Variants in PRND observed in about 807,000 individuals in gnomAD.
The protein encoded by PRND is prion like protein doppel, also known as prion-like protein doppel.
For missense variants in PRND, 227 were observed against 223.3 expected (o/e 1.02, Z -0.11); for synonymous variants, 94 against 93.2 (o/e 1.01, Z -0.05).
At position 4,723,595 on chromosome 20, in the gene PRND, G is replaced by A. The variant is rs373589747; in HGVS notation, c.-11-946G>A. On this transcript the variant is annotated intron_variant, in intron 1 of 1. Transcript: ENST00000305817. ...GCCAGTGAATTCCTCAGAATGGATG[G>A]CAGAATGCCCCCAAGACAGTGCCAG... Among the ~76,000 whole-genome samples, 6 of 152,276 alleles carry A rather than the reference G, an allele frequency of 3.9e-5. 1 individual carries two copies. The South Asian group carries it at 6.2e-4, about 16-fold the overall frequency.
chr20:4,722,995 C>G (rs1923148952), intron 1 of PRND, among the ~76,000 whole-genome samples: 1 of 152,172 alleles, frequency 6.6e-6, no homozygotes, highest in Non-Finnish European at 1.5e-5. Context: ...TGACCCGGGA[C>G]CCTCCTGGTG....
Position 4,727,527 on chromosome 20 carries a change from T to C in PRND, c.*2445T>C, listed in dbSNP as rs574797091. 6 of 167,214 alleles carry C rather than the reference T, an allele frequency of 3.6e-5. No homozygotes were observed. Among genetic ancestry groups the C allele is most frequent in the African/African-American group, 1.4e-4 (6 of 41,578 alleles). 10.4% of individuals were successfully genotyped at this position (167,214 alleles called of 1,614,324 possible). On this transcript the variant is annotated 3_prime_UTR_variant, in exon 2 of 2. Coordinates refer to ENST00000305817, the MANE Select transcript of PRND (RefSeq NM_012409.4). ...GCAGTGTGCATAATTTTGCCAACCG[T>C]TGCTTTCGTAGCCCCTGCTAAGTGT...
In PRND at chr20:4,727,928, G is replaced by C. The variant is rs575097196; in HGVS notation, c.*2846G>C. On this transcript the variant is annotated 3_prime_UTR_variant, in exon 2 of 2. Coordinates refer to ENST00000305817, the MANE Select transcript of PRND (RefSeq NM_012409.4). ...ATCCTCCCAAGTAGGTGGGATTACA[G>C]GTGCCCACCACCAAGCCCTGCAAAT... 6.2e-6 allele frequency: 1 copy of C among 160,494 alleles called. No homozygotes were observed. Among genetic ancestry groups the C allele is most frequent in the South Asian group, 2.1e-4 (1 of 4,822 alleles). The allele number at this position is 160,494 out of a possible 1,614,324, so 9.9% of individuals were successfully genotyped here. A position where few individuals can be genotyped will look rare whatever the true frequency, so the allele number is the denominator to read the frequency against.
chr20:4,724,880 A>G lies in PRND; in HGVS notation c.329A>G (p.Asn110Ser). The G allele has an allele frequency of 1.2e-6, 2 of 1,614,212 alleles. No individual in the cohort carries two copies. The highest frequency in any genetic ancestry group is 1.7e-6 in the Non-Finnish European group (2 of 1,180,048). The change falls in exon 2 of 2, where the codon AAT becomes AGT. Residue 110 changes from asparagine to serine, a missense_variant. Coordinates refer to ENST00000305817, the MANE Select transcript of PRND (RefSeq NM_012409.4). The surrounding 1 kb of genome is among the most constrained non-coding windows in gnomAD (Gnocchi z 4.8). Reference protein sequence around the residue: ...TKEAFVTGCINATQAANQGEF... With the variant: ...TKEAFVTGCISATQAANQGEF... ...GAGGCATTTGTCACCGGCTGCATCA[A>G]TGCCACCCAGGCGGCGAACCAGGGG...
chr20:4,728,171 T>G lies in PRND; in HGVS notation c.*3089T>G, dbSNP rs144848773. The stretch of plus-strand genomic sequence containing the variant: ...CCTGAGATGTAGGCTCCACCTTAAC[T>G]GTGCTCAGATACACAAGTGAGGGCT... On this transcript the variant is annotated 3_prime_UTR_variant, in exon 2 of 2. Transcript: ENST00000305817. The G allele has an allele frequency of 9.2e-3, 1,526 of 166,342 alleles. 25 individuals are homozygous for G. Among genetic ancestry groups the G allele is most frequent in the African/African-American group, 0.035 (1,434 of 41,354 alleles). The allele number at this position is 166,342 out of a possible 1,614,324, so 10.3% of individuals were successfully genotyped here. A position where few individuals can be genotyped will look rare whatever the true frequency, so the allele number is the denominator to read the frequency against.
In PRND at chr20:4,722,827, C is replaced by A. The variant is rs6139528; in HGVS notation, c.-12+858C>A. ...TCCCTAATCCACACAGGCAAAGACC[C>A]AGGTGCTAGAATGCCCTGACAGTCG... On this transcript the variant is annotated intron_variant, in intron 1 of 1. Transcript: ENST00000305817. 6.5e-3 allele frequency among the ~76,000 whole-genome samples: 992 copies of A among 152,194 alleles called. 29 individuals are homozygous for A. The East Asian group carries it at 0.089, about 14-fold the overall frequency.
At chr20:4,722,983 C>T (rs1433401330) in intron 1 of PRND, among the ~76,000 whole-genome samples, 1 of 152,216 alleles carries the variant, frequency 6.6e-6, no homozygotes, top group Admixed American at 6.5e-5. Flanking sequence ...CCAGGGCCAC[C>T]TTGACCCGGG....
Position 4,725,224 on chromosome 20 carries a change from T to C in PRND, c.*142T>C. On this transcript the variant is annotated 3_prime_UTR_variant, in exon 2 of 2. Coordinates refer to ENST00000305817, the MANE Select transcript of PRND (RefSeq NM_012409.4). Reference sequence around the variant, plus strand: ...TCGCACTGCAAATGCCGCTCTCACGTATGCGCCCTGGTATGTGCCTGCGTT... The same window carrying C: ...TCGCACTGCAAATGCCGCTCTCACGCATGCGCCCTGGTATGTGCCTGCGTT... 9.9e-7 allele frequency: 1 copy of C among 1,011,880 alleles called. No individual in the cohort carries two copies. The highest frequency in any genetic ancestry group is 1.5e-6 in the Non-Finnish European group (1 of 682,002). 62.7% of individuals were successfully genotyped at this position (1,011,880 alleles called of 1,614,324 possible).
rs1402412358 is a variant in PRND, at chr20:4,724,503, C to T, written c.-11-38C>T. On this transcript the variant is annotated intron_variant, in intron 1 of 1. Transcript: ENST00000305817. This position sits in a 1 kb window ranked among gnomAD's most constrained non-coding sequence, Gnocchi z 4.8. ...GAGGGGGCAGGGGAGCCCAGGCAGG[C>T]CTGGTGGGGAGCTGACCCACCGCCG... 1.9e-6 allele frequency: 3 copies of T among 1,612,192 alleles called. No individual in the cohort carries two copies.
chr20:4,726,775 TG>T lies in PRND; in HGVS notation c.*1694del, dbSNP rs1395571212. 1.2e-5 allele frequency: 2 copies of T among 167,140 alleles called. No individual in the cohort carries two copies. The highest frequency in any genetic ancestry group is 2.4e-5 in the African/African-American group (1 of 41,472). The allele number at this position is 167,140 out of a possible 1,614,324, so 10.4% of individuals were successfully genotyped here. A position where few individuals can be genotyped will look rare whatever the true frequency, so the allele number is the denominator to read the frequency against. On this transcript the variant is annotated 3_prime_UTR_variant, in exon 2 of 2. Transcript: ENST00000305817. The stretch of plus-strand genomic sequence containing the variant: ...TGAGTGCTGATGAGGGCACCTCTTG[TG>T]CTGAGTCCCCTCAGCTATCAGTGTT...
rs1167539590 is a variant in PRND at position 4,723,947 on chromosome 20, T to C, written c.-11-594T>C. Among the ~76,000 whole-genome samples, 129 of 36,896 alleles carry C rather than the reference T, an allele frequency of 3.5e-3. 1 individual carries two copies. In the East Asian group the frequency reaches 0.046, roughly 13 times the overall value. The allele number at this position is 36,896 out of a possible 152,430, so 24.2% of individuals were successfully genotyped here. A position where few individuals can be genotyped will look rare whatever the true frequency, so the allele number is the denominator to read the frequency against. On this transcript the variant is annotated intron_variant, in intron 1 of 1. Coordinates refer to ENST00000305817, the MANE Select transcript of PRND (RefSeq NM_012409.4). Reference sequence around the variant, plus strand: ...ATCCTGTCTCTAAAATATGTGTGTGTGTGTGTGTGTGTGTGTGTGTGTGTG... The same window carrying C: ...ATCCTGTCTCTAAAATATGTGTGTGCGTGTGTGTGTGTGTGTGTGTGTGTG...
chr20:4,722,776 G>C (rs1310032743), intron 1 of PRND, among the ~76,000 whole-genome samples: 2 of 152,184 alleles, frequency 1.3e-5, no homozygotes, highest in African/African-American at 4.8e-5. Flanking sequence ...GCTTAGGCAA[G>C]CTCCGGTATG....
chr20:4,724,630 A>C lies in PRND; in HGVS notation c.79A>C (p.Arg27=). Residue 27 remains arginine, a synonymous_variant, in exon 2 of 2, where the codon AGG becomes CGG. Coordinates refer to ENST00000305817, the MANE Select transcript of PRND (RefSeq NM_012409.4). This position sits in a 1 kb window ranked among gnomAD's most constrained non-coding sequence, Gnocchi z 4.8. ...LFSHLSAVQT[R]GIKHRIKWNR... Reference sequence around the variant, plus strand: ...CAGCCACCTCTCTGCGGTCCAGACGAGGGGCATCAAGCACAGAATCAAGTG... The same window carrying C: ...CAGCCACCTCTCTGCGGTCCAGACGCGGGGCATCAAGCACAGAATCAAGTG... The C allele has an allele frequency of 6.2e-7, 1 of 1,614,136 alleles. No homozygotes were observed. Among genetic ancestry groups the C allele is most frequent in the Non-Finnish European group, 8.5e-7 (1 of 1,180,016 alleles).
chr20:4,724,649 TC>T lies in PRND; in HGVS notation c.99del (p.Lys34SerfsTer66). 6.2e-7 allele frequency: 1 copy of T among 1,614,092 alleles called. No individual in the cohort carries two copies. The highest frequency in any genetic ancestry group is 1.1e-5 in the South Asian group (1 of 91,074). On this transcript the variant is annotated frameshift_variant, in exon 2 of 2. Transcript: ENST00000305817. LOFTEE classifies it low-confidence loss of function (END_TRUNC). The surrounding 1 kb of genome is among the most constrained non-coding windows in gnomAD (Gnocchi z 4.8). ...CAGACGAGGGGCATCAAGCACAGAA[TC>T]AAGTGGAACCGGAAGGCCCTGCCCA... ...AVQTRGIKHR[I>X]KWNRKALPST...
Position 4,725,973 on chromosome 20 carries a change from G to T in PRND, c.*891G>T. 3.2e-5 allele frequency: 5 copies of T among 157,320 alleles called. No homozygotes were observed. 9.7% of individuals were successfully genotyped at this position (157,320 alleles called of 1,614,324 possible). On this transcript the variant is annotated 3_prime_UTR_variant, in exon 2 of 2. Coordinates refer to ENST00000305817, the MANE Select transcript of PRND (RefSeq NM_012409.4). The stretch of plus-strand genomic sequence containing the variant: ...CCTCCCAGGCTCAAGCACTTTTCCT[G>T]TCTCAGCCTTCCGAGTAGCTGGGAT...
In PRND at chr20:4,725,223, G is replaced by A. The variant is rs1035609034; in HGVS notation, c.*141G>A. On this transcript the variant is annotated 3_prime_UTR_variant, in exon 2 of 2. Transcript: ENST00000305817. ...CTCGCACTGCAAATGCCGCTCTCAC[G>A]TATGCGCCCTGGTATGTGCCTGCGT... 3.0e-5 allele frequency: 31 copies of A among 1,017,292 alleles called. No individual in the cohort carries two copies. The highest frequency in any genetic ancestry group is 4.4e-5 in the Admixed American group (2 of 45,012). 63.0% of individuals were successfully genotyped at this position (1,017,292 alleles called of 1,614,324 possible). A position where few individuals can be genotyped will look rare whatever the true frequency, so the allele number is the denominator to read the frequency against.
rs59537500 is a variant in PRND, at chr20:4,727,793, C to CTTTTT, written c.*2717_*2721dup. 6 of 143,632 alleles carry CTTTTT rather than the reference C, an allele frequency of 4.2e-5. 2 individuals carry two copies. The highest frequency in any genetic ancestry group is 8.9e-5 in the African/African-American group (3 of 33,746). The allele number at this position is 143,632 out of a possible 1,614,324, so 8.9% of individuals were successfully genotyped here. On this transcript the variant is annotated 3_prime_UTR_variant, in exon 2 of 2. Coordinates refer to ENST00000305817, the MANE Select transcript of PRND (RefSeq NM_012409.4). ...AATGCTTTCTACTCATTTTTCTATA[C>CTTTTT]TTTTTTTTTTGAGGCAGAGTCTCAT...
intron 1 of PRND, among the ~76,000 whole-genome samples, chr20:4,722,742 CA>C (rs1923139940): frequency 6.6e-6 from 1 of 152,136 alleles, no homozygotes; most frequent in East Asian, 1.9e-4. Context: ...CATGGCCTCA[CA>C]GTAAGTCTTT....
rs1923278512 is a variant in PRND, at chr20:4,726,642, A to G, written c.*1560A>G. ...AGAGACTCCCAGGAGTTGTTGAACT[A>G]TATTTGGAGAAAACAGCCACTGAAT... On this transcript the variant is annotated 3_prime_UTR_variant, in exon 2 of 2. Transcript: ENST00000305817. 6.0e-6 allele frequency: 1 copy of G among 167,132 alleles called. No individual in the cohort carries two copies. Among genetic ancestry groups the G allele is most frequent in the South Asian group, 2.1e-4 (1 of 4,838 alleles). The allele number at this position is 167,132 out of a possible 1,614,324, so 10.4% of individuals were successfully genotyped here.
Sources: gnomAD v4.1 joint callset for allele counts (sites outside exome capture counted in the v4.1 genomes callset) on GRCh38, gnomAD v4.1.1 for gene constraint, Gnocchi (gnomAD v3.1) non-coding constraint, MANE v1.5 for transcripts, NCBI Gene and HGNC (gene_info 2026-07-23, HGNC 2026-07-21) for gene names.